Variants in CEP170 observed in about 807,000 individuals in gnomAD.
The protein encoded by CEP170 is centrosomal protein 170, also known as centrosomal protein of 170 kDa.
A neutral mutation model predicts 151.9 loss-of-function variants in CEP170; 21 were observed. That is an observed-to-expected ratio of 0.14 (90% confidence interval 0.10 to 0.20). CEP170 has a LOEUF of 0.20. CEP170 is among the 10% of genes least tolerant of loss of function. The pLI is 1.00. For synonymous variants in CEP170, 356 were observed against 648.8 expected (o/e 0.55, Z 6.86); for missense variants, 964 against 1,892.9 (o/e 0.51, Z 9.11).
At chr1:243,218,393 G>A (rs1008222443) in intron 3 of CEP170, among the ~76,000 whole-genome samples, 2 of 152,218 alleles carry the variant, frequency 1.3e-5, no homozygotes, top group Non-Finnish European at 2.9e-5. Flanking sequence ...GAGGCAGGGG[G>A]AACTGAAGGC....
chr1:243,231,902 C>A (rs1034128084), intron 1 of CEP170, among the ~76,000 whole-genome samples: 3 of 152,002 alleles, frequency 2.0e-5, no homozygotes, highest in Non-Finnish European at 4.4e-5. Context: ...TAAAGCAAAC[C>A]CCCAAATTCT....
At chr1:243,171,235 A>G (rs193125811) in intron 11 of CEP170, among the ~76,000 whole-genome samples, 4 of 152,362 alleles carry the variant, frequency 2.6e-5, no homozygotes, top group Admixed American at 2.0e-4. Context: ...CTCATAAAAC[A>G]GAAACCAGAA....
At chr1:243,202,224 T>A (rs2061091504) in intron 4 of CEP170, among the ~76,000 whole-genome samples, 1 of 152,166 alleles carries the variant, frequency 6.6e-6, no homozygotes, top group Admixed American at 6.5e-5. Context: ...CCACATGTCC[T>A]CACTTCCAAG....
At chr1:243,228,516 G>A (rs2063478118) in intron 1 of CEP170, among the ~76,000 whole-genome samples, 1 of 152,218 alleles carries the variant, frequency 6.6e-6, no homozygotes, top group East Asian at 1.9e-4. Context: ...GGAGAAAAAA[G>A]CCCTCCGATC....
chr1:243,190,876 T>C (rs912608936), intron 8 of CEP170, 142 bp downstream of exon 8: 2 of 1,323,200 alleles, frequency 1.5e-6, no homozygotes, highest in African/African-American at 3.0e-5. Flanking sequence ...TGTAGCTTCC[T>C]GTTTAGTTTT....
At chr1:243,210,375 G>GAA (rs2061697343) in intron 4 of CEP170, among the ~76,000 whole-genome samples, 1 of 152,002 alleles carries the variant, frequency 6.6e-6, no homozygotes, top group Non-Finnish European at 1.5e-5. Flanking sequence ...TGTTCTTGAT[G>GAA]AAACTTAGGC....
chr1:243,200,842 G>A lies in CEP170; in HGVS notation c.275-7C>T, dbSNP rs779936521. The A allele has an allele frequency of 5.6e-6, 9 of 1,606,896 alleles. No individual in the cohort carries two copies. Among genetic ancestry groups the A allele is most frequent in the African/African-American group, 2.7e-5 (2 of 74,530 alleles). ...ACAGTGAAAAGATTTGTATGTAAAC[G>A]GGGCTAAGGAAGAATATAACCTCAA... On this transcript the variant is annotated splice_region_variant and splice_polypyrimidine_tract_variant and intron_variant, in intron 4 of 19. Coordinates refer to ENST00000366542, the MANE Select transcript of CEP170 (RefSeq NM_014812.3).
At chr1:243,150,442 G>A (rs1481966259) in intron 14 of CEP170, among the ~76,000 whole-genome samples, 1 of 152,140 alleles carries the variant, frequency 6.6e-6, no homozygotes, top group African/African-American at 2.4e-5. Context: ...GAGCCACCCC[G>A]CCCAGCTGAC....
chr1:243,154,667 G>C (rs1004450433), intron 14 of CEP170, among the ~76,000 whole-genome samples: 1 of 152,218 alleles, frequency 6.6e-6, no homozygotes, highest in African/African-American at 2.4e-5. Context: ...TGTTCTTAAA[G>C]TCCTGCCATA....
chr1:243,196,519 ATATACACT>A (rs1168626333), intron 7 of CEP170, among the ~76,000 whole-genome samples: 1 of 152,160 alleles, frequency 6.6e-6, no homozygotes, highest in Non-Finnish European at 1.5e-5. Flanking sequence ...CAAAAATTAC[ATATACACT>A]TCACTGTATG....
chr1:243,189,515 C>T (rs1461465140), intron 8 of CEP170, among the ~76,000 whole-genome samples: 2 of 142,824 alleles, frequency 1.4e-5, no homozygotes, highest in African/African-American at 5.3e-5. Flanking sequence ...GAGATCGCGC[C>T]ACTGCACTCC....
intron 11 of CEP170, 99 bp from the exon 12 acceptor site, chr1:243,169,853 C>T: frequency 6.9e-7 from 1 of 1,447,756 alleles, no homozygotes; most frequent in Non-Finnish European, 9.3e-7. Flanking sequence ...GCCATACAAA[C>T]CCATAATTAA....
chr1:243,138,207 A>AC (rs2055366445), intron 16 of CEP170, among the ~76,000 whole-genome samples: 1 of 152,198 alleles, frequency 6.6e-6, no homozygotes, highest in African/African-American at 2.4e-5. Flanking sequence ...CACTTCTTCC[A>AC]CATAGTTTTT....
At chr1:243,203,639 A>T (rs2061208606) in intron 4 of CEP170, among the ~76,000 whole-genome samples, 1 of 152,196 alleles carries the variant, frequency 6.6e-6, no homozygotes. Context: ...ATACAAGGAA[A>T]GATCAGAAAA....
At chr1:243,167,819 A>G (rs2058546806) in intron 12 of CEP170, among the ~76,000 whole-genome samples, 1 of 151,914 alleles carries the variant, frequency 6.6e-6, no homozygotes, top group Admixed American at 6.6e-5. Flanking sequence ...TGCTAACTGA[A>G]GCATCTAGAA....
chr1:243,208,041 C>G (rs532268711), intron 4 of CEP170, among the ~76,000 whole-genome samples: 1 of 152,248 alleles, frequency 6.6e-6, no homozygotes, highest in African/African-American at 2.4e-5. Flanking sequence ...ACAGAATTCT[C>G]TATCAGTTAT....
intron 12 of CEP170, among the ~76,000 whole-genome samples, chr1:243,168,858 T>G (rs924420393): frequency 6.6e-6 from 1 of 151,986 alleles, no homozygotes; most frequent in Non-Finnish European, 1.5e-5. Context: ...ATAAAAGTCA[T>G]ACTACATAGA....
At chr1:243,230,906 G>A (rs2063685343) in intron 1 of CEP170, among the ~76,000 whole-genome samples, 1 of 151,952 alleles carries the variant, frequency 6.6e-6, no homozygotes, top group African/African-American at 2.4e-5. Context: ...ACTACCAGCA[G>A]ATAAACTCAA....
chr1:243,200,874 G>C (rs1258894989), intron 4 of CEP170, 39 bp from the exon 5 acceptor site: 6 of 1,581,396 alleles, frequency 3.8e-6, no homozygotes, highest in Non-Finnish European at 5.1e-6. Flanking sequence ...TCAAATTTCT[G>C]ATAATTGAGC....
Sources: gnomAD v4.1 joint callset for allele counts (sites outside exome capture counted in the v4.1 genomes callset) on GRCh38, gnomAD v4.1.1 for gene constraint, MANE v1.5 for transcripts, NCBI Gene and HGNC (gene_info 2026-07-23, HGNC 2026-07-21) for gene names.